Variants in TIAM1 observed in about 807,000 individuals in gnomAD.
TIAM1 encodes the protein rho guanine nucleotide exchange factor TIAM1.
In TIAM1, 65 loss-of-function variants were observed where a neutral mutation model predicts 163.5. The observed-to-expected ratio is 0.40, with a 90% CI of 0.33 to 0.49. The LOEUF is 0.49. Ranked by LOEUF, TIAM1 falls within the 20% of genes least tolerant of loss-of-function variation. TIAM1 has a pLI of 0.77. For missense variants in TIAM1, 1,789 were observed against 2,044.7 expected, an observed-to-expected ratio of 0.87 and a Z score of 2.41; for synonymous variants, 833 against 810.1, an observed-to-expected ratio of 1.03 and a Z score of -0.48.
chr21:31,372,098 G>A (rs1331379442), intron 2 of TIAM1, among the ~76,000 whole-genome samples: 3 of 152,164 alleles, frequency 2.0e-5, no homozygotes, highest in Non-Finnish European at 4.4e-5. Context: ...GCTCCCCAAC[G>A]CGGAAGGCTC....
intron 1 of TIAM1, among the ~76,000 whole-genome samples, chr21:31,492,776 TAC>T (rs3055373): frequency 0.062 from 8,682 of 139,576 alleles, 274 homozygotes; most frequent in East Asian, 0.15. Flanking sequence ...TATTTTGGGT[TAC>T]ACACACACAC....
intron 1 of TIAM1, among the ~76,000 whole-genome samples, chr21:31,499,372 C>T (rs2046772103): frequency 6.6e-6 from 1 of 151,366 alleles, no homozygotes; most frequent in African/African-American, 2.4e-5. Context: ...CCAGCCTGGG[C>T]AACACGGTGA....
At chr21:31,404,177 C>T (rs1476824724) in intron 2 of TIAM1, among the ~76,000 whole-genome samples, 1 of 152,178 alleles carries the variant, frequency 6.6e-6, no homozygotes, top group East Asian at 1.9e-4. Context: ...TAAGATGACA[C>T]AATGACCTTG....
intron 2 of TIAM1, among the ~76,000 whole-genome samples, chr21:31,423,728 A>C (rs1212632005): frequency 2.0e-5 from 3 of 148,982 alleles, no homozygotes; most frequent in Non-Finnish European, 1.5e-5. Flanking sequence ...AAAAAAAAAA[A>C]ACCTTGAAAA....
chr21:31,140,526 A>G (rs144581290), intron 22 of TIAM1, among the ~76,000 whole-genome samples: 2 of 152,236 alleles, frequency 1.3e-5, no homozygotes, highest in East Asian at 3.8e-4. Context: ...CAGAGCAATT[A>G]ACTTATCCAT....
In TIAM1 at chr21:31,245,649, A is replaced by C. The variant is rs774376035; in HGVS notation, c.1423T>G (p.Phe475Val). ...GACCTGCCGTCGCTCTCGTAGAAAA[A>C]TAGCGTGCATCCTGAGGAAACAGAA... ...YWVSLKGCTL[F>V]FYESDGRSGI... is the part of the protein sequence containing the mutation. The change falls in exon 6 of 28, where the codon TTT becomes GTT. Residue 475 changes from phenylalanine to valine, a missense_variant. Physicochemically the swap from Phe to Val is conservative, Grantham distance 50 (BLOSUM62 -1). Around this residue, in one of 5 missense-constraint regions of TIAM1, gnomAD observed 456 missense variants for 586.6 expected, o/e 0.78. Coordinates refer to ENST00000541036, the MANE Select transcript of TIAM1 (RefSeq NM_001353694.2). 7.6e-5 allele frequency: 120 copies of C among 1,578,646 alleles called. No homozygotes were observed. Among genetic ancestry groups the C allele is most frequent in the Non-Finnish European group, 1.0e-4 (117 of 1,162,898 alleles).
At chr21:31,248,037 C>T (rs1210646713) in intron 5 of TIAM1, among the ~76,000 whole-genome samples, 1 of 152,046 alleles carries the variant, frequency 6.6e-6, no homozygotes, top group South Asian at 2.1e-4. Context: ...GAGGACAGAG[C>T]CTAAAGAAGC....
rs772663989 is a variant in TIAM1, at chr21:31,210,041, A to C, written c.2388+4T>G. On this transcript the variant is annotated splice_donor_region_variant and intron_variant, in intron 11 of 27. Coordinates refer to ENST00000541036, the MANE Select transcript of TIAM1 (RefSeq NM_001353694.2). ...TGGAGAAACAACCCAAAGCAGCTCCATACCTTGCAAATCAGCTCCAGGGTG... is the reference window on the plus strand; with the variant it reads ...TGGAGAAACAACCCAAAGCAGCTCCCTACCTTGCAAATCAGCTCCAGGGTG... 6.2e-7 allele frequency: 1 copy of C among 1,613,118 alleles called. No individual in the cohort carries two copies. The highest frequency in any genetic ancestry group is 1.1e-5 in the South Asian group (1 of 90,922).
chr21:31,168,693 C>T (rs1358470232), intron 15 of TIAM1, among the ~76,000 whole-genome samples: 1 of 152,154 alleles, frequency 6.6e-6, no homozygotes, highest in Non-Finnish European at 1.5e-5. Flanking sequence ...AGCCACTGTG[C>T]CAGGCCCCCT....
intron 2 of TIAM1, among the ~76,000 whole-genome samples, chr21:31,429,200 T>C (rs2043908484): frequency 6.6e-6 from 1 of 152,020 alleles, no homozygotes; most frequent in Non-Finnish European, 1.5e-5. Flanking sequence ...CAGGGTTTCA[T>C]TATGTTGCCG....
At chr21:31,152,793 T>C in intron 18 of TIAM1, 32 bp from the exon 19 acceptor site, 2 of 1,610,462 alleles carry the variant, frequency 1.2e-6, no homozygotes, top group Non-Finnish European at 1.7e-6. Context: ...ATGCACCTCA[T>C]ATCTCATTAG....
intron 2 of TIAM1, among the ~76,000 whole-genome samples, chr21:31,360,203 A>G (rs920623546): frequency 6.6e-6 from 1 of 152,180 alleles, no homozygotes; most frequent in African/African-American, 2.4e-5. Flanking sequence ...AAGTGTTTGA[A>G]GAAAATCACC....
intron 1 of TIAM1, among the ~76,000 whole-genome samples, chr21:31,541,003 T>C (rs1417261028): frequency 6.6e-6 from 1 of 152,226 alleles, no homozygotes; most frequent in African/African-American, 2.4e-5. Flanking sequence ...CATCAACTGA[T>C]GAAGACCAAT....
At chr21:31,188,405 C>T (rs2085398254) in intron 13 of TIAM1, among the ~76,000 whole-genome samples, 1 of 151,944 alleles carries the variant, frequency 6.6e-6, no homozygotes, top group South Asian at 2.1e-4. Flanking sequence ...GTTACATTAG[C>T]CTTAACACAG....
chr21:31,210,558 G>T (rs1462505710), intron 10 of TIAM1, among the ~76,000 whole-genome samples: 1 of 109,922 alleles, frequency 9.1e-6, no homozygotes, highest in African/African-American at 4.5e-5. Flanking sequence ...AAGAAAGAAA[G>T]AAAGAAAGAA....
chr21:31,243,298 C>T (rs1601679360), intron 6 of TIAM1, among the ~76,000 whole-genome samples: 1 of 142,060 alleles, frequency 7.0e-6, no homozygotes, highest in African/African-American at 2.6e-5. Context: ...AAGAGCTCAA[C>T]AGCAGATTTG....
At chr21:31,548,487 G>GTTT in intron 1 of TIAM1, among the ~76,000 whole-genome samples, 1 of 138,750 alleles carries the variant, frequency 7.2e-6, no homozygotes. Context: ...ACCTTTTGTT[G>GTTT]TTGTTTTTTT....
chr21:31,388,275 A>T (rs2076913291), intron 2 of TIAM1, among the ~76,000 whole-genome samples: 1 of 144,788 alleles, frequency 6.9e-6, no homozygotes, highest in Non-Finnish European at 1.5e-5. Context: ...TTACGTGAAT[A>T]CGGTGAATCT....
At chr21:31,312,718 A>T (rs1405231801) in intron 2 of TIAM1, among the ~76,000 whole-genome samples, 1 of 152,178 alleles carries the variant, frequency 6.6e-6, no homozygotes, top group Non-Finnish European at 1.5e-5. Context: ...AAGTTCTCGA[A>T]AGTAGCTGAG....
Sources: gnomAD v4.1 joint callset for allele counts (sites outside exome capture counted in the v4.1 genomes callset) on GRCh38, gnomAD v4.1.1 for gene constraint, gnomAD v4.1.1 regional missense constraint, MANE v1.5 for transcripts, NCBI Gene and HGNC (gene_info 2026-07-23, HGNC 2026-07-21) for gene names.